Variants in FAM131B observed in about 807,000 individuals in gnomAD.
FAM131B encodes family with sequence similarity 131 member B.
Under a neutral mutation model 42.0 loss-of-function variants are expected in FAM131B, and 19 were observed. The observed-to-expected ratio is 0.45, with a 90% CI of 0.32 to 0.66. The LOEUF is 0.66. FAM131B is among the 30% of genes least tolerant of loss of function. The pLI, the probability that FAM131B is intolerant of heterozygous loss-of-function variation, is 0.05. For synonymous variants in FAM131B, 183 were observed against 177.6 expected, an observed-to-expected ratio of 1.03 and a Z score of -0.24; for missense variants, 370 against 468.4, an observed-to-expected ratio of 0.79 and a Z score of 1.94.
At chr7:143,381,880 G>T in the FAM131B span, 1 of 1,160,146 alleles carries the variant, frequency 8.6e-7, no homozygotes, top group South Asian at 1.6e-5. Context: ...TGCCGAGGGG[G>T]CTGGGCGCAG....
chr7:143,355,595 CAG>C lies in FAM131B; in HGVS notation c.*953_*954del, dbSNP rs1803613557. ...GAAAAGTGTAAACAGCTTCAGAGGA[CAG>C]GGGTGAATAAGGGGAGACAGCCCTC... On this transcript the variant is annotated 3_prime_UTR_variant, in exon 7 of 7. Transcript: ENST00000443739. The surrounding 1 kb of genome is among the most constrained non-coding windows in gnomAD (Gnocchi z 4.1). 6.5e-6 allele frequency: 1 copy of C among 152,856 alleles called. No homozygotes were observed. The highest frequency in any genetic ancestry group is 2.4e-5 in the African/African-American group (1 of 41,580). The allele number at this position is 152,856 out of a possible 1,614,324, so 9.5% of individuals were successfully genotyped here.
At chr7:143,364,664 C>T (rs1050710676), upstream of FAM131B, among the ~76,000 whole-genome samples, 8 of 152,124 alleles carry the variant, frequency 5.3e-5, no homozygotes, top group Admixed American at 5.2e-4. Flanking sequence ...CTCCCCACTA[C>T]CCACACAAAA....
At chr7:143,380,758 G>A in the FAM131B span, 32 of 985,356 alleles carry the variant, frequency 3.2e-5, no homozygotes, top group South Asian at 1.4e-4. The surrounding 1 kb of genome is among the most constrained non-coding windows in gnomAD (Gnocchi z 5.0). Flanking sequence ...CTGGGAGGGA[G>A]AACGCCCCGC....
At chr7:143,380,608 C>A in the FAM131B span, 4 of 985,520 alleles carry the variant, frequency 4.1e-6, no homozygotes, top group Non-Finnish European at 4.8e-6. This position sits in a 1 kb window ranked among gnomAD's most constrained non-coding sequence, Gnocchi z 5.0. Context: ...CTCTCGCAAC[C>A]GATCTGCTGG....
rs781155615 is a variant in FAM131B, at chr7:143,356,762, C to T, written c.871G>A (p.Val291Ile). 1.2e-6 allele frequency: 2 copies of T among 1,614,128 alleles called. No individual in the cohort carries two copies. Among genetic ancestry groups the T allele is most frequent in the Middle Eastern group, 1.6e-4 (1 of 6,062 alleles). The part of the protein sequence containing the change: ...LGGDTDWAPG[V>I]GAVDLARGPA... ...CCCCTTGCCAGGTCCACTGCGCCTA[C>T]CCCCGGAGCCCAGTCAGTGTCTCCC... is the stretch of plus-strand genomic sequence containing the variant. The change falls in exon 7 of 7, where the codon GTA (valine) becomes ATA (isoleucine). Residue 291 changes from valine to isoleucine, a missense_variant. By Grantham distance (29) the Val-to-Ile change is conservative. Coordinates refer to ENST00000443739, the MANE Select transcript of FAM131B (RefSeq NM_001031690.3). This position sits in a 1 kb window ranked among gnomAD's most constrained non-coding sequence, Gnocchi z 4.4.
Position 143,359,226 on chromosome 7 carries a change from G to A in FAM131B, c.268+100C>T, listed in dbSNP as rs544130450. The stretch of plus-strand genomic sequence containing the variant: ...GAAGGGTGAATAGGTCAGGGGGTGG[G>A]GATGAGGGTCTTCATCAACCTCGAA... On this transcript the variant is annotated intron_variant, in intron 4 of 6. Transcript: ENST00000443739. The surrounding 1 kb of genome is among the most constrained non-coding windows in gnomAD (Gnocchi z 5.4). The A allele has an allele frequency of 1.7e-4, 180 of 1,067,034 alleles. 4 individuals are homozygous for A. The South Asian group carries it at 2.4e-3, about 14-fold the overall frequency. The allele number at this position is 1,067,034 out of a possible 1,614,324, so 66.1% of individuals were successfully genotyped here.
At chr7:143,367,052 C>T (rs921241497), upstream of FAM131B, among the ~76,000 whole-genome samples, 1 of 152,170 alleles carries the variant, frequency 6.6e-6, no homozygotes, top group African/African-American at 2.4e-5. Context: ...TAGGAAGTGG[C>T]CATAGAATCT....
chr7:143,369,672 C>T, the FAM131B span, among the ~76,000 whole-genome samples: 2 of 25,068 alleles, frequency 8.0e-5, no homozygotes, highest in Admixed American at 1.0e-3. Context: ...GAGAATCCGT[C>T]TCAAAAAAAA....
chr7:143,370,362 G>A, the FAM131B span, among the ~76,000 whole-genome samples: 1 of 152,200 alleles, frequency 6.6e-6, no homozygotes, highest in Non-Finnish European at 1.5e-5. Context: ...GGGCTCCCCT[G>A]TCAGAGGCAA....
At chr7:143,365,121 G>C (rs969697353), upstream of FAM131B, among the ~76,000 whole-genome samples, 4 of 152,160 alleles carry the variant, frequency 2.6e-5, no homozygotes, top group Non-Finnish European at 2.9e-5. Flanking sequence ...ATTGAGAAAG[G>C]GAAGCTCAAA....
the FAM131B span, among the ~76,000 whole-genome samples, chr7:143,370,577 G>A: frequency 6.6e-6 from 1 of 152,164 alleles, no homozygotes; most frequent in Admixed American, 6.5e-5. Flanking sequence ...AAATGGCGAC[G>A]AGAGTAACCT....
Position 143,359,673 on chromosome 7 carries a change from G to C in FAM131B, c.174+59C>G. ...ACCGTGCTGGTTGGAAGGTGCAAGG[G>C]AGAAGATGAGGAGGAGGAGTTCGGG... On this transcript the variant is annotated intron_variant, in intron 3 of 6. Coordinates refer to ENST00000443739, the MANE Select transcript of FAM131B (RefSeq NM_001031690.3). This position sits in a 1 kb window ranked among gnomAD's most constrained non-coding sequence, Gnocchi z 5.4. 2 of 1,475,852 alleles carry C rather than the reference G, an allele frequency of 1.4e-6. No individual in the cohort carries two copies. Among genetic ancestry groups the C allele is most frequent in the Non-Finnish European group, 1.9e-6 (2 of 1,076,450 alleles). 91.4% of individuals were successfully genotyped at this position (1,475,852 alleles called of 1,614,324 possible). A position where few individuals can be genotyped will look rare whatever the true frequency, so the allele number is the denominator to read the frequency against.
At chr7:143,381,874 G>T in the FAM131B span, 1 of 1,255,418 alleles carries the variant, frequency 8.0e-7, no homozygotes, top group South Asian at 1.6e-5. Flanking sequence ...GGTTGTTGCC[G>T]AGGGGGCTGG....
the FAM131B span, among the ~76,000 whole-genome samples, chr7:143,371,372 G>A: frequency 1.3e-5 from 2 of 152,120 alleles, no homozygotes; most frequent in Non-Finnish European, 2.9e-5. Flanking sequence ...AGCACTTTGG[G>A]AGGCTGATGT....
intron 1 of FAM131B, chr7:143,361,994 C>T: frequency 2.1e-6 from 2 of 960,876 alleles, no homozygotes; most frequent in Non-Finnish European, 2.5e-6. Flanking sequence ...CATCCCGCCC[C>T]CGCCCCAGAG....
At chr7:143,381,619 T>C in the FAM131B span, 1 of 1,612,192 alleles carries the variant, frequency 6.2e-7, no homozygotes, top group Non-Finnish European at 8.5e-7. Context: ...CGGTCTCGGC[T>C]CCGGCTTTTT....
At chr7:143,375,912 T>A in the FAM131B span, among the ~76,000 whole-genome samples, 1 of 152,214 alleles carries the variant, frequency 6.6e-6, no homozygotes, top group Non-Finnish European at 1.5e-5. Flanking sequence ...CTTGGGTCTC[T>A]TTTCCTGTCT....
intron 6 of FAM131B, 40 bp downstream of exon 6, chr7:143,357,240 C>A: frequency 1.2e-6 from 2 of 1,606,130 alleles, no homozygotes; most frequent in Admixed American, 1.7e-5. Context: ...TTGGGGAGGC[C>A]TCATAGGCTC....
At chr7:143,373,551 G>C in the FAM131B span, among the ~76,000 whole-genome samples, 6 of 152,202 alleles carry the variant, frequency 3.9e-5, no homozygotes, top group Admixed American at 6.5e-5. Flanking sequence ...AGGGCTATGG[G>C]GAAAACATTG....
Sources: gnomAD v4.1 joint callset for allele counts (sites outside exome capture counted in the v4.1 genomes callset) on GRCh38, gnomAD v4.1.1 for gene constraint, Gnocchi (gnomAD v3.1) non-coding constraint, MANE v1.5 for transcripts, NCBI Gene and HGNC (gene_info 2026-07-23, HGNC 2026-07-21) for gene names.